The following IFIH1 variants were observed in gnomAD, a reference collection of about 807,000 sequenced individuals.
IFIH1 encodes the protein interferon induced with helicase C domain 1, also known as interferon-induced helicase C domain-containing protein 1.
In IFIH1, 125 loss-of-function variants were observed where a neutral mutation model predicts 107.4. That is an observed-to-expected ratio of 1.16 (90% confidence interval 1.01 to 1.35). IFIH1 has a LOEUF of 1.35. Among genes scored for constraint, IFIH1 ranks in the 40% most tolerant of loss-of-function variants. The pLI is 0.00. For synonymous variants in IFIH1, 458 were observed against 413.2 expected (o/e 1.11, Z -1.31); for missense variants, 1,333 against 1,213.7 (o/e 1.10, Z -1.46).
intron 5 of IFIH1, among the ~76,000 whole-genome samples, chr2:162,287,609 T>A (rs1276663806): frequency 6.6e-6 from 1 of 151,896 alleles, no homozygotes; most frequent in East Asian, 1.9e-4. Flanking sequence ...TCTATTTAAC[T>A]TGATGTAGAT....
At chr2:162,314,388 C>T (rs1318563888) in intron 1 of IFIH1, among the ~76,000 whole-genome samples, 22 of 55,832 alleles carry the variant, frequency 3.9e-4, no homozygotes, top group East Asian at 3.1e-3. Context: ...CCCTCCCTCC[C>T]TCCCTCCCTC....
chr2:162,280,879 T>C (rs1345224366), intron 7 of IFIH1, among the ~76,000 whole-genome samples: 1 of 152,040 alleles, frequency 6.6e-6, no homozygotes, highest in African/African-American at 2.4e-5. Context: ...AAGATCTTCA[T>C]ATCCCTATTT....
rs905117425 is a variant in IFIH1, at chr2:162,271,284, A to T, written c.2616+942T>A. 9.9e-5 allele frequency among the ~76,000 whole-genome samples: 15 copies of T among 152,160 alleles called. No individual in the cohort carries two copies. In the East Asian group the frequency reaches 2.7e-3, roughly 27 times the overall value. On this transcript the variant is annotated intron_variant, in intron 13 of 15. Transcript: ENST00000649979. ...CATCTAGTCTATGCAGCCATAAAAA[A>T]GGATGAGTTCATGTCCTTTGTAGGG...
chr2:162,280,012 G>A lies in IFIH1; in HGVS notation c.1625C>T (p.Ala542Val). 6.3e-7 allele frequency: 1 copy of A among 1,595,574 alleles called. No homozygotes were observed. Among genetic ancestry groups the A allele is most frequent in the Non-Finnish European group, 8.6e-7 (1 of 1,163,658 alleles). The change falls in exon 8 of 16, where the codon GCA becomes GTA. Residue 542 changes from alanine (A) to valine (V), a missense_variant. Transcript: ENST00000649979. ...IQEPCKKFAI[A>V]DATREDPFKE... Reference sequence around the variant, plus strand: ...AGCCCATACTTCTCTGGTTGCATCTGCAATGGCAAACTTCTTGCATGGCTC... The same window carrying A: ...AGCCCATACTTCTCTGGTTGCATCTACAATGGCAAACTTCTTGCATGGCTC...
chr2:162,284,308 G>A (rs1383559425), intron 5 of IFIH1, among the ~76,000 whole-genome samples: 3 of 151,956 alleles, frequency 2.0e-5, no homozygotes, highest in African/African-American at 7.2e-5. Flanking sequence ...GCATGATGCA[G>A]AGGGAAGAAA....
chr2:162,295,133 G>T (rs1186537357), intron 3 of IFIH1, among the ~76,000 whole-genome samples: 1 of 151,940 alleles, frequency 6.6e-6, no homozygotes, highest in Non-Finnish European at 1.5e-5. Flanking sequence ...CACAGTTAAG[G>T]TATTTCCAGC....
intron 7 of IFIH1, among the ~76,000 whole-genome samples, chr2:162,280,944 A>G (rs986240952): frequency 2.0e-5 from 3 of 152,074 alleles, no homozygotes; most frequent in African/African-American, 7.2e-5. Context: ...GACAGAAAAT[A>G]CGCAGTTTTG....
At chr2:162,306,232 A>G (rs1683278400) in intron 3 of IFIH1, among the ~76,000 whole-genome samples, 1 of 152,226 alleles carries the variant, frequency 6.6e-6, no homozygotes, top group Non-Finnish European at 1.5e-5. Context: ...AATGCAATTC[A>G]AGCCAACCCT....
At chr2:162,284,803 G>T (rs2389683) in intron 5 of IFIH1, among the ~76,000 whole-genome samples, 23,079 of 151,580 alleles carry the variant, frequency 0.15, 4,234 homozygotes, top group African/African-American at 0.42. Flanking sequence ...TGTATATTTC[G>T]TGAGGACAAG....
At chr2:162,288,634 C>A (rs1472093065) in intron 4 of IFIH1, among the ~76,000 whole-genome samples, 2 of 151,786 alleles carry the variant, frequency 1.3e-5, no homozygotes, top group Non-Finnish European at 2.9e-5. Context: ...AGTGTTTTCA[C>A]AGAGTGGGTG....
intron 4 of IFIH1, 95 bp from the exon 5 acceptor site, chr2:162,288,450 C>T (rs1358424192): frequency 3.8e-6 from 3 of 789,148 alleles, no homozygotes; most frequent in Non-Finnish European, 6.2e-6. Flanking sequence ...GTGCTTTAAA[C>T]TCCTTTTCAC....
At chr2:162,301,269 A>G (rs761532724) in intron 3 of IFIH1, among the ~76,000 whole-genome samples, 4 of 152,156 alleles carry the variant, frequency 2.6e-5, no homozygotes, top group Non-Finnish European at 5.9e-5. Context: ...ACATGCAATC[A>G]CAGTCATGCG....
In IFIH1 at chr2:162,288,234, C is replaced by A. The variant is rs1576229569; in HGVS notation, c.996G>T (p.Gly332=). 3.1e-6 allele frequency: 5 copies of A among 1,612,786 alleles called. No individual in the cohort carries two copies. The highest frequency in any genetic ancestry group is 4.2e-6 in the Non-Finnish European group (5 of 1,179,220). ...GKNIIICLPT[G]SGKTRVAVYI... is the part of the protein sequence containing the mutation. ...AAACAGCCACTCTGGTTTTTCCACT[C>A]CCTGTAGGGAGGCAGATGATGATAT... The change falls in exon 5 of 16, where the codon GGG becomes GGT. Residue 332 remains glycine, a synonymous_variant. Transcript: ENST00000649979.
chr2:162,286,358 A>C (rs1682893217), intron 5 of IFIH1, among the ~76,000 whole-genome samples: 1 of 151,946 alleles, frequency 6.6e-6, no homozygotes, highest in Non-Finnish European at 1.5e-5. Context: ...ATGAATACAA[A>C]TAGGGCTTTC....
intron 5 of IFIH1, among the ~76,000 whole-genome samples, chr2:162,286,492 T>C (rs1054042103): frequency 6.6e-6 from 1 of 151,980 alleles, no homozygotes; most frequent in East Asian, 1.9e-4. Context: ...TCAACTCTAT[T>C]AGCCTATGTC....
chr2:162,307,038 A>C (rs1576237555), intron 2 of IFIH1, 183 bp from the exon 3 acceptor site: 1 of 511,948 alleles, frequency 2.0e-6, no homozygotes, highest in East Asian at 3.1e-5. Flanking sequence ...GATTTTATAC[A>C]ATATAAATAG....
At chr2:162,279,026 G>A (rs932651595) in intron 8 of IFIH1, among the ~76,000 whole-genome samples, 2 of 151,836 alleles carry the variant, frequency 1.3e-5, no homozygotes, top group Non-Finnish European at 2.9e-5. Context: ...ATGCTTCAAG[G>A]TATATAAAAA....
chr2:162,273,842 T>C lies in IFIH1; in HGVS notation c.2407A>G (p.Ile803Val), dbSNP rs774958328. Residue 803 changes from isoleucine to valine, a missense_variant, in exon 12 of 16, where the codon ATT becomes GTT. Ile to Val is a conservative substitution (Grantham distance 29, BLOSUM62 3). Coordinates refer to ENST00000649979, the MANE Select transcript of IFIH1 (RefSeq NM_022168.4). Reference protein sequence around the residue: ...EEGLDIKECNIVIRYGLVTNE... With the variant: ...EEGLDIKECNVVIRYGLVTNE... ...GTGACGAGACCATAACGGATAACAA[T>C]GTTACATTCTTTAATATCCAGACCT... is the stretch of plus-strand genomic sequence containing the variant. 14 of 1,611,006 alleles carry C rather than the reference T, an allele frequency of 8.7e-6. No homozygotes were observed. The highest frequency in any genetic ancestry group is 1.7e-5 in the Admixed American group (1 of 59,636).
chr2:162,306,519 T>C (rs1683282601), intron 3 of IFIH1, among the ~76,000 whole-genome samples, 190 bp downstream of exon 3: 2 of 152,224 alleles, frequency 1.3e-5, no homozygotes, highest in Non-Finnish European at 2.9e-5. Flanking sequence ...CACATCGATA[T>C]TGGATTAGTT....
Sources: allele counts gnomAD v4.1 joint callset (sites outside exome capture counted in the v4.1 genomes callset), GRCh38; gene constraint gnomAD v4.1.1; transcripts MANE v1.5; gene names NCBI Gene and HGNC (gene_info 2026-07-23, HGNC 2026-07-21).